The following ERBB2 variants were observed in gnomAD, a reference collection of about 807,000 sequenced individuals.
ERBB2 encodes the protein receptor tyrosine-protein kinase erbB-2.
Under a neutral mutation model 149.0 loss-of-function variants are expected in ERBB2, and 61 were observed. The ratio of observed to expected loss-of-function variants is 0.41; its 90% CI spans 0.33 to 0.51. The LOEUF is 0.51. Among genes scored for constraint, ERBB2 ranks in the 20% least tolerant of loss-of-function variants. The probability of loss-of-function intolerance (pLI) is 0.25; values close to 1 mark genes in which losing one functional copy is unlikely to be tolerated. For missense variants in ERBB2, 1,205 were observed against 1,655.1 expected (o/e 0.73, Z 4.72); for synonymous variants, 633 against 678.8 (o/e 0.93, Z 1.05).
Position 39,727,530 on chromosome 17 carries a change from C to T in ERBB2, c.3395C>T (p.Thr1132Ile), listed in dbSNP as rs1300276675. Residue 1132 changes from threonine (T) to isoleucine (I), a missense_variant, in exon 26 of 27, where the codon ACC becomes ATC. Transcript: ENST00000269571. This position sits in a 1 kb window ranked among gnomAD's most constrained non-coding sequence, Gnocchi z 4.3. ...SETDGYVAPL[T>I]CSPQPEYVNQ... ...ACTGATGGCTACGTTGCCCCCCTGA[C>T]CTGCAGCCCCCAGCCTGGTATGGAG... is the stretch of plus-strand genomic sequence containing the variant. 5 of 1,602,338 alleles carry T rather than the reference C, an allele frequency of 3.1e-6. 1 individual carries two copies. The Admixed American group carries it at 7.2e-5, about 23-fold the overall frequency.
In ERBB2 at chr17:39,710,474, C is replaced by G. The variant is rs1489209161; in HGVS notation, c.894C>G (p.Ala298=). The change falls in exon 7 of 27, where the codon GCC becomes GCG. Residue 298 remains alanine (A), a synonymous_variant. Coordinates refer to ENST00000269571, the MANE Select transcript of ERBB2 (RefSeq NM_004448.4). The part of the protein sequence containing the change: ...RYTFGASCVT[A]CPYNYLSTDV... ...CATTCGGCGCCAGCTGTGTGACTGC[C>G]TGTCCCTGTGAGTGCCAGGGAGAAA... 11 of 1,613,980 alleles carry G rather than the reference C, an allele frequency of 6.8e-6. No individual in the cohort carries two copies. Among genetic ancestry groups the G allele is most frequent in the Non-Finnish European group, 9.3e-6 (11 of 1,180,046 alleles).
upstream of ERBB2, among the ~76,000 whole-genome samples, chr17:39,698,441 A>G (rs1342300479): frequency 6.6e-6 from 1 of 151,900 alleles, no homozygotes; most frequent in Non-Finnish European, 1.5e-5. Context: ...TTGTATTTTT[A>G]GCAGAGACAG....
rs2059689455 is a variant in ERBB2, at chr17:39,725,295, C to A, written c.2650-32C>A. The A allele has an allele frequency of 6.2e-7, 1 of 1,613,080 alleles. No individual in the cohort carries two copies. Among genetic ancestry groups the A allele is most frequent in the Non-Finnish European group, 8.5e-7 (1 of 1,179,136 alleles). On this transcript the variant is annotated intron_variant, in intron 21 of 26. Transcript: ENST00000269571. This position sits in a 1 kb window ranked among gnomAD's most constrained non-coding sequence, Gnocchi z 4.6. ...TGAGTGGCCACCTCCCCACAACACACAGTTGGAGGACTTCCTCTTCTGCCC... is the reference window on the plus strand; with the variant it reads ...TGAGTGGCCACCTCCCCACAACACAAAGTTGGAGGACTTCCTCTTCTGCCC...
intron 14 of ERBB2, chr17:39,716,887 C>A (rs149475793): frequency 2.0e-6 from 1 of 504,918 alleles, no homozygotes; most frequent in African/African-American, 1.9e-5. Flanking sequence ...GTCAGACTAC[C>A]TGGATTCAGA....
Position 39,727,149 on chromosome 17 carries a change from C to A in ERBB2, c.3159+146C>A. 3.3e-6 allele frequency: 4 copies of A among 1,226,106 alleles called. No individual in the cohort carries two copies. Among genetic ancestry groups the A allele is most frequent in the Non-Finnish European group, 4.6e-6 (4 of 868,704 alleles). The allele number at this position is 1,226,106 out of a possible 1,614,324, so 76.0% of individuals were successfully genotyped here. A position where few individuals can be genotyped will look rare whatever the true frequency, so the allele number is the denominator to read the frequency against. On this transcript the variant is annotated intron_variant, in intron 25 of 26. Transcript: ENST00000269571. The surrounding 1 kb of genome is among the most constrained non-coding windows in gnomAD (Gnocchi z 4.3). ...ACAAAAAATTCTTACTGCCTTCCAA[C>A]CCCTGTGACCCCATTCTCTCCACGG...
Position 39,710,148 on chromosome 17 carries a change from T to C in ERBB2, c.706T>C (p.Cys236Arg). ...CAAGGGGCCACTGCCCACTGACTGCTGCCATGAGCAGTGTGCTGCCGGCTG... is the reference window on the plus strand; with the variant it reads ...CAAGGGGCCACTGCCCACTGACTGCCGCCATGAGCAGTGTGCTGCCGGCTG... ...RCKGPLPTDC[C>R]HEQCAAGCTG... Residue 236 changes from cysteine to arginine, a missense_variant, in exon 6 of 27, where the codon TGC becomes CGC. Physicochemically the swap from Cys to Arg is radical, Grantham distance 180. Coordinates refer to ENST00000269571, the MANE Select transcript of ERBB2 (RefSeq NM_004448.4). The C allele has an allele frequency of 6.2e-7, 1 of 1,612,452 alleles. No homozygotes were observed. The highest frequency in any genetic ancestry group is 8.5e-7 in the Non-Finnish European group (1 of 1,179,842).
chr17:39,719,679 T>C, intron 15 of ERBB2, 108 bp from the exon 16 acceptor site: 1 of 1,095,490 alleles, frequency 9.1e-7, no homozygotes, highest in East Asian at 2.4e-5. Flanking sequence ...CTTTGTCAAA[T>C]GGGGATAATG....
rs1246003694 is a variant in ERBB2, at chr17:39,727,023, CTG to C, written c.3159+25_3159+26del. 2 of 1,554,528 alleles carry C rather than the reference CTG, an allele frequency of 1.3e-6. No individual in the cohort carries two copies. Among genetic ancestry groups the C allele is most frequent in the Non-Finnish European group, 8.7e-7 (1 of 1,153,128 alleles). On this transcript the variant is annotated intron_variant, in intron 25 of 26. Coordinates refer to ENST00000269571, the MANE Select transcript of ERBB2 (RefSeq NM_004448.4). The surrounding 1 kb of genome is among the most constrained non-coding windows in gnomAD (Gnocchi z 4.3). The stretch of plus-strand genomic sequence containing the variant: ...ACCAGGGTCAGTGCCCTCGGTCACA[CTG>C]TGTGGCTGTCTGCTTACCTCCCCCA...
intron 2 of ERBB2, 36 bp from the exon 3 acceptor site, chr17:39,708,285 T>C (rs781782360): frequency 6.4e-7 from 1 of 1,568,424 alleles, no homozygotes; most frequent in South Asian, 1.1e-5. Context: ...GGTGGCAGTG[T>C]TCCTATTTCA....
At chr17:39,695,720 C>CACACACACACACACACACAT (rs1567889315), upstream of ERBB2, among the ~76,000 whole-genome samples, 8 of 141,854 alleles carry the variant, frequency 5.6e-5, no homozygotes, top group African/African-American at 1.9e-4. Flanking sequence ...CACACACACA[C>CACACACACACACACACACAT]ACACACACAC....
intron 9 of ERBB2, among the ~76,000 whole-genome samples, chr17:39,713,758 GAAA>G (rs774902171): frequency 7.9e-5 from 7 of 88,916 alleles, no homozygotes; most frequent in Non-Finnish European, 1.3e-4. Flanking sequence ...GTCTCAAAAA[GAAA>G]AAAAAAAAAA....
intron 3 of ERBB2, among the ~76,000 whole-genome samples, chr17:39,708,775 TTGGCTGA>T (rs2058616157): frequency 6.6e-6 from 1 of 152,178 alleles, no homozygotes; most frequent in Admixed American, 6.5e-5. Flanking sequence ...TTGCCCCCAC[TTGGCTGA>T]GTGAAGTGTA....
chr17:39,700,335 C>A (rs2058015479), intron 1 of ERBB2, 24 bp downstream of exon 1: 1 of 1,340,264 alleles, frequency 7.5e-7, no homozygotes, highest in Middle Eastern at 2.8e-4. Flanking sequence ...GGGGAGGGGA[C>A]GGAGCAGCGG....
At chr17:39,700,599 T>A (rs2058043164) in intron 1 of ERBB2, among the ~76,000 whole-genome samples, 1 of 152,128 alleles carries the variant, frequency 6.6e-6, no homozygotes, top group Non-Finnish European at 1.5e-5. Context: ...TTCAGAAAGT[T>A]TTCCCGCAAA....
Position 39,724,996 on chromosome 17 carries a change from G to A in ERBB2, c.2494-53G>A, listed in dbSNP as rs1046026662. 4 of 1,609,698 alleles carry A rather than the reference G, an allele frequency of 2.5e-6. No homozygotes were observed. The African/African-American group carries it at 4.0e-5, about 16-fold the overall frequency. On this transcript the variant is annotated intron_variant, in intron 20 of 26. Transcript: ENST00000269571. The stretch of plus-strand genomic sequence containing the variant: ...TAGGATGGGGACTCTTGCTGGGCAT[G>A]TGGCCAGGCCCAGGCCCTCCCAGAA...
rs2143136866 is a variant in ERBB2, at chr17:39,726,610, C to T, written c.2921C>T (p.Ser974Phe). ...ECRPRFRELVSEFSRMARDPQ... is the reference protein window; with the variant it reads ...ECRPRFRELVFEFSRMARDPQ... ...CGGCCAAGATTCCGGGAGTTGGTGT[C>T]TGAATTCTCCCGCATGGCCAGGGAC... is the stretch of plus-strand genomic sequence containing the variant. The change falls in exon 24 of 27, where the codon TCT becomes TTT. Residue 974 changes from serine (S) to phenylalanine (F), a missense_variant. Ser to Phe is a radical substitution (Grantham distance 155). Coordinates refer to ENST00000269571, the MANE Select transcript of ERBB2 (RefSeq NM_004448.4). This position sits in a 1 kb window ranked among gnomAD's most constrained non-coding sequence, Gnocchi z 5.1. 1 of 1,614,192 alleles carries T rather than the reference C, an allele frequency of 6.2e-7. No homozygotes were observed. The highest frequency in any genetic ancestry group is 1.1e-5 in the South Asian group (1 of 91,082).
rs780037152 is a variant in ERBB2, at chr17:39,725,333, A to G, written c.2656A>G (p.Ile886Val). The G allele has an allele frequency of 1.9e-6, 3 of 1,613,942 alleles. No homozygotes were observed. The highest frequency in any genetic ancestry group is 1.3e-5 in the African/African-American group (1 of 74,954). Residue 886 changes from isoleucine (I) to valine (V), a missense_variant, in exon 22 of 27, where the codon ATC becomes GTC. Transcript: ENST00000269571. This position sits in a 1 kb window ranked among gnomAD's most constrained non-coding sequence, Gnocchi z 4.6. ...TCCTCTTCTGCCCTCCCAGGTGCCC[A>G]TCAAGTGGATGGCGCTGGAGTCCAT... ...EYHADGGKVPIKWMALESILR... is the reference protein window; with the variant it reads ...EYHADGGKVPVKWMALESILR...
Position 39,719,835 on chromosome 17 carries a change from G to A in ERBB2, c.1946+1G>A, listed in dbSNP as rs2145749468. 6.2e-7 allele frequency: 1 copy of A among 1,614,166 alleles called. No individual in the cohort carries two copies. Among genetic ancestry groups the A allele is most frequent in the Non-Finnish European group, 8.5e-7 (1 of 1,179,984 alleles). ...GCTGCCCCGCCGAGCAGAGAGCCAG[G>A]TTGGCCTGGACCCCAGGATGTACCC... On this transcript the variant is annotated splice_donor_variant, in intron 16 of 26. Coordinates refer to ENST00000269571, the MANE Select transcript of ERBB2 (RefSeq NM_004448.4). LOFTEE classifies it high-confidence loss of function.
Position 39,728,084 on chromosome 17 carries a change from A to T in ERBB2, c.*40A>T, listed in dbSNP as rs2143328384. ...TCCGCAGAAGCCCTGATGTGTCCTC[A>T]GGGAGCAGGGAAGGCCTGACTTCTG... is the stretch of plus-strand genomic sequence containing the variant. On this transcript the variant is annotated 3_prime_UTR_variant, in exon 27 of 27. Coordinates refer to ENST00000269571, the MANE Select transcript of ERBB2 (RefSeq NM_004448.4). The T allele has an allele frequency of 7.0e-7, 1 of 1,426,666 alleles. No homozygotes were observed. Among genetic ancestry groups the T allele is most frequent in the East Asian group, 2.3e-5 (1 of 43,508 alleles). 88.4% of individuals were successfully genotyped at this position (1,426,666 alleles called of 1,614,324 possible).
Sources: allele counts gnomAD v4.1 joint callset (sites outside exome capture counted in the v4.1 genomes callset), GRCh38; gene constraint gnomAD v4.1.1; non-coding constraint Gnocchi (gnomAD v3.1); transcripts MANE v1.5; gene names NCBI Gene and HGNC (gene_info 2026-07-23, HGNC 2026-07-21).